Variants in IDE observed in about 807,000 individuals in gnomAD.
IDE encodes the protein insulin degrading enzyme, also known as insulin-degrading enzyme.
In IDE, 58 loss-of-function variants were observed where a neutral mutation model predicts 133.2. The observed-to-expected ratio is 0.44, with a 90% CI of 0.35 to 0.54. The LOEUF is 0.54. Ranked by LOEUF, IDE falls within the 20% of genes least tolerant of loss-of-function variation. IDE has a pLI of 0.00. For missense variants in IDE, 981 were observed against 1,234.0 expected (o/e 0.79, Z 3.07); for synonymous variants, 396 against 421.3 (o/e 0.94, Z 0.73).
intron 11 of IDE, among the ~76,000 whole-genome samples, chr10:92,491,240 TAA>T (rs879942324): frequency 7.2e-6 from 1 of 139,050 alleles, no homozygotes; most frequent in African/African-American, 2.6e-5. Context: ...CTTGTCTCTT[TAA>T]AAAAAAAAAA....
intron 22 of IDE, among the ~76,000 whole-genome samples, chr10:92,460,055 TCTTGAACTCCTGAC>T (rs1386881743): frequency 2.0e-5 from 3 of 152,084 alleles, no homozygotes; most frequent in Non-Finnish European, 2.9e-5. Context: ...GCCAGGCTGA[TCTTGAACTCCTGAC>T]CTCGTGATTC....
At position 92,490,665 on chromosome 10, in the gene IDE, A is replaced by T. The variant is rs1847291241; in HGVS notation, c.1431-70T>A. 4.4e-6 allele frequency: 4 copies of T among 906,332 alleles called. No homozygotes were observed. In the Admixed American group the frequency reaches 6.3e-5, roughly 14 times the overall value. 56.1% of individuals were successfully genotyped at this position (906,332 alleles called of 1,614,324 possible). A position where few individuals can be genotyped will look rare whatever the true frequency, so the allele number is the denominator to read the frequency against. ...TGTATATATGAATTTAAAGAACCTGACTCAGGACAATATAAACAATATCCA... is the reference window on the plus strand; with the variant it reads ...TGTATATATGAATTTAAAGAACCTGTCTCAGGACAATATAAACAATATCCA... On this transcript the variant is annotated intron_variant, in intron 11 of 24. Coordinates refer to ENST00000265986, the MANE Select transcript of IDE (RefSeq NM_004969.4).
chr10:92,536,167 G>A (rs1841990844), intron 2 of IDE, among the ~76,000 whole-genome samples: 2 of 152,074 alleles, frequency 1.3e-5, no homozygotes, highest in African/African-American at 4.8e-5. Context: ...TGGATCACCT[G>A]AGGTCAGGAG....
intron 3 of IDE, among the ~76,000 whole-genome samples, chr10:92,533,715 C>CA (rs35455474): frequency 0.42 from 49,504 of 119,178 alleles, 9,480 homozygotes; most frequent in East Asian, 0.71. Flanking sequence ...AAAAATTGAC[C>CA]AAAAAAAAAA....
intron 1 of IDE, among the ~76,000 whole-genome samples, chr10:92,544,145 A>T (rs557939187): frequency 2.6e-5 from 4 of 152,014 alleles, no homozygotes; most frequent in Admixed American, 2.6e-4. Flanking sequence ...AGGCAGGAGA[A>T]TCACTTGAAC....
intron 10 of IDE, 51 bp downstream of exon 10, chr10:92,506,391 G>T: frequency 1.2e-6 from 1 of 819,146 alleles, no homozygotes; most frequent in Non-Finnish European, 2.0e-6. Flanking sequence ...ATGCAAGATT[G>T]CTGAAATACT....
chr10:92,461,020 T>C (rs1443890039), intron 22 of IDE, among the ~76,000 whole-genome samples, 171 bp downstream of exon 22: 1 of 152,140 alleles, frequency 6.6e-6, no homozygotes, highest in Non-Finnish European at 1.5e-5. Flanking sequence ...TTTGTATTTT[T>C]AGTATAAATG....
chr10:92,510,786 C>CGCAT lies in IDE; in HGVS notation c.785-625_785-624insATGC, dbSNP rs546503685. ...TATATGATATATAGCACATACATCT[C>CGCAT]ACATGATATATAGCACATACATATC... On this transcript the variant is annotated intron_variant, in intron 5 of 24. Transcript: ENST00000265986. Among the ~76,000 whole-genome samples the CGCAT allele has an allele frequency of 2.6e-3, 98 of 38,416 alleles. 1 individual carries two copies. Among genetic ancestry groups the CGCAT allele is most frequent in the African/African-American group, 0.015 (98 of 6,402 alleles). 25.2% of individuals were successfully genotyped at this position (38,416 alleles called of 152,430 possible).
intron 17 of IDE, among the ~76,000 whole-genome samples, chr10:92,473,324 A>T (rs1846076571): frequency 6.6e-6 from 1 of 152,112 alleles, no homozygotes; most frequent in Non-Finnish European, 1.5e-5. Context: ...AAAATCTAAA[A>T]CAATAATAAA....
intron 3 of IDE, among the ~76,000 whole-genome samples, chr10:92,534,081 A>G (rs1850097235): frequency 6.6e-6 from 1 of 152,252 alleles, no homozygotes; most frequent in East Asian, 1.9e-4. Context: ...TTGCTCCAGA[A>G]AACATTCAAA....
intron 12 of IDE, among the ~76,000 whole-genome samples, chr10:92,488,932 T>A (rs1183562967): frequency 3.0e-4 from 24 of 78,988 alleles, no homozygotes; most frequent in Non-Finnish European, 3.8e-4. Context: ...TTTCATTATT[T>A]AAAAAAAAAA....
At chr10:92,526,527 T>C (rs752381976) in intron 4 of IDE, among the ~76,000 whole-genome samples, 3 of 152,012 alleles carry the variant, frequency 2.0e-5, no homozygotes, top group Non-Finnish European at 4.4e-5. Flanking sequence ...GGCATCAACC[T>C]GATGTGGAAA....
At chr10:92,570,833 T>C (rs1843745289) in intron 1 of IDE, among the ~76,000 whole-genome samples, 1 of 151,748 alleles carries the variant, frequency 6.6e-6, no homozygotes, top group Admixed American at 6.6e-5. Context: ...GGAGGATCAC[T>C]TGAACCCAAG....
At chr10:92,481,104 C>G (rs1165302344) in intron 14 of IDE, among the ~76,000 whole-genome samples, 1 of 152,130 alleles carries the variant, frequency 6.6e-6, no homozygotes, top group Non-Finnish European at 1.5e-5. Context: ...AGCTCAAAAA[C>G]TTAAGGCACA....
chr10:92,483,332 T>C lies in IDE; in HGVS notation c.1662A>G (p.Thr554=). 1 of 1,595,430 alleles carries C rather than the reference T, an allele frequency of 6.3e-7. No individual in the cohort carries two copies. Among genetic ancestry groups the C allele is most frequent in the Non-Finnish European group, 8.6e-7 (1 of 1,163,504 alleles). ...ATPYPALIKD[T]AMSKLWFKQD... ...GTTTGAACCAAAGTTTGCTCATAGC[T>C]GTATCCTGTGATGGAGAAACAATTT... is the stretch of plus-strand genomic sequence containing the variant. Residue 554 remains threonine (T), a synonymous_variant, in exon 14 of 25, where the codon ACA becomes ACG. Transcript: ENST00000265986.
At chr10:92,504,130 A>G (rs372074140) in intron 11 of IDE, among the ~76,000 whole-genome samples, 5 of 152,310 alleles carry the variant, frequency 3.3e-5, no homozygotes, top group African/African-American at 1.2e-4. Flanking sequence ...GAATTTCAAA[A>G]ATACTTCCCT....
intron 5 of IDE, among the ~76,000 whole-genome samples, chr10:92,510,788 C>CATGT (rs1554841895): frequency 1.3e-5 from 2 of 148,182 alleles, no homozygotes; most frequent in Admixed American, 6.8e-5. Context: ...ATACATCTCA[C>CATGT]ATGATATATA....
At chr10:92,524,489 TTATA>T (rs1849492762) in intron 4 of IDE, among the ~76,000 whole-genome samples, 1 of 11,814 alleles carries the variant, frequency 8.5e-5, no homozygotes, top group Non-Finnish European at 1.8e-4. Context: ...ATATATTATA[TTATA>T]ATATATTTTA....
At chr10:92,530,616 A>G (rs1849870990) in intron 4 of IDE, among the ~76,000 whole-genome samples, 4 of 152,166 alleles carry the variant, frequency 2.6e-5, no homozygotes, top group Admixed American at 1.3e-4. Flanking sequence ...CTCACATTCC[A>G]TTCTTGACAT....
Sources: allele counts gnomAD v4.1 joint callset (sites outside exome capture counted in the v4.1 genomes callset), GRCh38; gene constraint gnomAD v4.1.1; transcripts MANE v1.5; gene names NCBI Gene and HGNC (gene_info 2026-07-23, HGNC 2026-07-21).